Variants in ZNF385D observed in about 807,000 individuals in gnomAD.
The protein encoded by ZNF385D is zinc finger protein 659.
ZNF385D carries 15 observed loss-of-function variants against 35.8 expected under a neutral mutation model. The observed-to-expected ratio is 0.42, with a 90% confidence interval of 0.28 to 0.64. ZNF385D has a LOEUF of 0.64. ZNF385D is among the 30% of genes least tolerant of loss of function. The pLI, the probability that ZNF385D is intolerant of heterozygous loss-of-function variation, is 0.23. For synonymous variants in ZNF385D, 212 were observed against 186.8 expected, an observed-to-expected ratio of 1.13 and a Z score of -1.10; for missense variants, 474 against 494.6, an observed-to-expected ratio of 0.96 and a Z score of 0.39.
intron 2 of ZNF385D, among the ~76,000 whole-genome samples, chr3:21,625,103 C>T (rs1043834475): frequency 5.9e-5 from 9 of 151,876 alleles, no homozygotes; most frequent in East Asian, 1.9e-4. Flanking sequence ...AATTGACTTT[C>T]GGAAAAGACT....
intron 3 of ZNF385D, among the ~76,000 whole-genome samples, chr3:21,944,273 T>A (rs671842): frequency 0.8 from 122,232 of 152,094 alleles, 49,341 homozygotes; most frequent in East Asian, 0.98. Flanking sequence ...GAATAGAAGG[T>A]CGTCTCTGCA....
intron 3 of ZNF385D, among the ~76,000 whole-genome samples, chr3:21,939,851 A>G (rs1265489448): frequency 2.0e-5 from 3 of 152,206 alleles, no homozygotes; most frequent in African/African-American, 4.8e-5. Flanking sequence ...AGAGATCTAT[A>G]TAAGTAAAGC....
At chr3:21,473,069 CACTCCTAACTTCTAATCT>C (rs1451088514) in intron 4 of ZNF385D, among the ~76,000 whole-genome samples, 1 of 152,108 alleles carries the variant, frequency 6.6e-6, no homozygotes, top group African/African-American at 2.4e-5. Context: ...ACCTTGATTT[CACTCCTAACTTCTAATCT>C]ACTCCCTACA....
chr3:22,041,928 G>T (rs1698687753), intron 3 of ZNF385D, among the ~76,000 whole-genome samples: 2 of 152,096 alleles, frequency 1.3e-5, no homozygotes, highest in Non-Finnish European at 2.9e-5. Flanking sequence ...AAGAAAAGTA[G>T]ATTTATACAA....
chr3:22,176,368 C>T (rs1694833799), intron 2 of ZNF385D, among the ~76,000 whole-genome samples: 1 of 152,154 alleles, frequency 6.6e-6, no homozygotes, highest in Non-Finnish European at 1.5e-5. Context: ...TACATCACCT[C>T]CTAACTTAAA....
intron 2 of ZNF385D, among the ~76,000 whole-genome samples, chr3:22,279,144 G>T (rs1701586221): frequency 6.6e-6 from 1 of 151,980 alleles, no homozygotes; most frequent in Non-Finnish European, 1.5e-5. Context: ...GGGGGAACAG[G>T]TGATGTTTGG....
chr3:21,694,154 C>T (rs2067388732), intron 1 of ZNF385D, among the ~76,000 whole-genome samples: 1 of 150,196 alleles, frequency 6.7e-6, no homozygotes. Flanking sequence ...AGCCATTCTC[C>T]TGCCTCAGCC....
intron 1 of ZNF385D, among the ~76,000 whole-genome samples, chr3:21,707,857 TAGA>T (rs2067964552): frequency 1.3e-5 from 2 of 152,220 alleles, no homozygotes; most frequent in African/African-American, 4.8e-5. Flanking sequence ...TTTAAAATTT[TAGA>T]AGATGAGAAG....
chr3:21,845,932 A>G (rs187675281), intron 3 of ZNF385D, among the ~76,000 whole-genome samples: 101 of 152,160 alleles, frequency 6.6e-4, no homozygotes, highest in African/African-American at 2.3e-3. Flanking sequence ...TCTTGTTGAT[A>G]ATAACTGTGA....
At chr3:21,600,470 A>G (rs1209405303) in intron 2 of ZNF385D, among the ~76,000 whole-genome samples, 1 of 152,212 alleles carries the variant, frequency 6.6e-6, no homozygotes, top group African/African-American at 2.4e-5. Context: ...AAACCCCAGA[A>G]CAAGACCACA....
At chr3:21,754,588 G>C (rs1437814063), upstream of ZNF385D, among the ~76,000 whole-genome samples, 5 of 151,844 alleles carry the variant, frequency 3.3e-5, no homozygotes, top group African/African-American at 1.2e-4. Flanking sequence ...TTGCTCAAAG[G>C]TTTATCAGTG....
Position 21,646,272 on chromosome 3 carries a change from T to C in ZNF385D, c.165+18614A>G, listed in dbSNP as rs925207705. On this transcript the variant is annotated intron_variant, in intron 2 of 7. Coordinates refer to ENST00000281523, the MANE Select transcript of ZNF385D (RefSeq NM_024697.3). This position sits in a 1 kb window ranked among gnomAD's most constrained non-coding sequence, Gnocchi z 4.3. ...AAATGAAGAGGAGAGGAAACTGTCATACTTATGGACCTGCTTATTTGTGAT... is the reference window on the plus strand; with the variant it reads ...AAATGAAGAGGAGAGGAAACTGTCACACTTATGGACCTGCTTATTTGTGAT... Among the ~76,000 whole-genome samples the C allele has an allele frequency of 5.3e-5, 8 of 152,186 alleles. No homozygotes were observed. The highest frequency in any genetic ancestry group is 1.2e-4 in the African/African-American group (5 of 41,464).
intron 2 of ZNF385D, among the ~76,000 whole-genome samples, chr3:22,183,536 T>G (rs62248928): frequency 0.13 from 20,328 of 152,066 alleles, 1,511 homozygotes; most frequent in East Asian, 0.24. Flanking sequence ...TTTTGTATTT[T>G]TAGTAGAGAC....
chr3:21,656,606 C>A (rs2066078951), intron 2 of ZNF385D, among the ~76,000 whole-genome samples: 1 of 151,902 alleles, frequency 6.6e-6, no homozygotes, highest in Non-Finnish European at 1.5e-5. Context: ...CATTCTAATT[C>A]ACTAGGAGTA....
intron 2 of ZNF385D, among the ~76,000 whole-genome samples, chr3:22,210,962 T>C (rs932387718): frequency 2.0e-5 from 3 of 151,998 alleles, no homozygotes; most frequent in African/African-American, 7.2e-5. Flanking sequence ...TAAAAAATGA[T>C]ATTCCTTAAA....
chr3:22,023,409 T>G (rs990472339), intron 3 of ZNF385D, among the ~76,000 whole-genome samples: 2 of 152,138 alleles, frequency 1.3e-5, no homozygotes, highest in Non-Finnish European at 2.9e-5. Context: ...ATATTAACAT[T>G]TGAAAACCCA....
At chr3:21,978,698 A>G (rs1703800352) in intron 3 of ZNF385D, among the ~76,000 whole-genome samples, 1 of 152,176 alleles carries the variant, frequency 6.6e-6, no homozygotes, top group Non-Finnish European at 1.5e-5. Context: ...TAGATAGCTC[A>G]TTGTAAATTT....
intron 3 of ZNF385D, among the ~76,000 whole-genome samples, chr3:22,012,749 T>C (rs1373751154): frequency 5.3e-5 from 8 of 151,348 alleles, no homozygotes; most frequent in Admixed American, 3.9e-4. Flanking sequence ...TGTTACAGCA[T>C]AGGATTAAGA....
At chr3:21,766,933 C>G (rs1466248922) in intron 3 of ZNF385D, among the ~76,000 whole-genome samples, 1 of 152,020 alleles carries the variant, frequency 6.6e-6, no homozygotes, top group African/African-American at 2.4e-5. Flanking sequence ...AAAATCTTAC[C>G]TAATCCGACA....
Sources: allele counts gnomAD v4.1 joint callset (sites outside exome capture counted in the v4.1 genomes callset), GRCh38; gene constraint gnomAD v4.1.1; non-coding constraint Gnocchi (gnomAD v3.1); transcripts MANE v1.5; gene names NCBI Gene and HGNC (gene_info 2026-07-23, HGNC 2026-07-21).